Variants in PLCH1 observed in about 807,000 individuals in gnomAD.
PLCH1 encodes phospholipase C eta 1.
PLCH1 carries 60 observed loss-of-function variants against 126.7 expected under a neutral mutation model. The observed-to-expected ratio is 0.47, with a 90% CI of 0.38 to 0.59. PLCH1 has a LOEUF of 0.59. PLCH1 is among the 20% of genes least tolerant of loss of function. The probability of loss-of-function intolerance (pLI) is 0.00; values close to 1 mark genes in which losing one functional copy is unlikely to be tolerated. For missense variants in PLCH1, 1,723 were observed against 2,040.0 expected (o/e 0.84, Z 2.99); for synonymous variants, 719 against 734.9 (o/e 0.98, Z 0.35).
intron 10 of PLCH1, among the ~76,000 whole-genome samples, chr3:155,529,824 T>C (rs1468161651): frequency 2.4e-4 from 37 of 152,200 alleles, no homozygotes; most frequent in Non-Finnish European, 1.5e-4. Flanking sequence ...TGGAGTGCAA[T>C]GGCACGACCT....
chr3:155,498,081 A>C (rs1301382698), intron 14 of PLCH1, among the ~76,000 whole-genome samples: 1 of 151,998 alleles, frequency 6.6e-6, no homozygotes, highest in Non-Finnish European at 1.5e-5. Flanking sequence ...GCTCCGTCCC[A>C]CTCTGGACAT....
intron 1 of PLCH1, chr3:155,742,460 C>T (rs1749706346): frequency 6.6e-6 from 1 of 152,072 alleles, no homozygotes. Flanking sequence ...CTCGCTCTGC[C>T]CATCAACCTT....
intron 2 of PLCH1, among the ~76,000 whole-genome samples, chr3:155,680,074 A>G (rs1744388527): frequency 6.6e-6 from 1 of 152,142 alleles, no homozygotes; most frequent in African/African-American, 2.4e-5. Context: ...GAAATGCTTT[A>G]AAAAATAAAT....
intron 1 of PLCH1, among the ~76,000 whole-genome samples, chr3:155,729,134 G>A (rs1199861005): frequency 2.6e-5 from 4 of 152,166 alleles, no homozygotes; most frequent in African/African-American, 4.8e-5. Flanking sequence ...TTCAGTCTAA[G>A]AAAAGGCATC....
chr3:155,659,302 CTTTTTTTTTTTTTTTTTTT>C lies in PLCH1; in HGVS notation c.79+44825_79+44843del, dbSNP rs753258422. ...CCAGGCGTGAGATGTCTATTCACTT[CTTTTTTTTTTTTTTTTTTT>C]TTTTTTTTTTTTTTTTTTTTTTCCG... On this transcript the variant is annotated intron_variant, in intron 2 of 22. Coordinates refer to ENST00000460012, the MANE Select transcript of PLCH1 (RefSeq NM_014996.4). Among the ~76,000 whole-genome samples the C allele has an allele frequency of 1.8e-3, 56 of 30,848 alleles. 1 individual carries two copies. In the Middle Eastern group the frequency reaches 0.083, roughly 46 times the overall value. The allele number at this position is 30,848 out of a possible 152,430, so 20.2% of individuals were successfully genotyped here.
intron 12 of PLCH1, among the ~76,000 whole-genome samples, chr3:155,511,650 C>T (rs1342407077): frequency 1.4e-5 from 2 of 140,542 alleles, no homozygotes; most frequent in Admixed American, 1.4e-4. Context: ...GGGTGCCTCC[C>T]AGTTAGGCTG....
At chr3:155,525,386 G>T (rs1297749999) in intron 10 of PLCH1, among the ~76,000 whole-genome samples, 1 of 152,068 alleles carries the variant, frequency 6.6e-6, no homozygotes, top group Non-Finnish European at 1.5e-5. Context: ...ACAAATAGTA[G>T]GTACTATCTA....
At chr3:155,572,451 T>C (rs1729344967) in intron 6 of PLCH1, among the ~76,000 whole-genome samples, 1 of 152,198 alleles carries the variant, frequency 6.6e-6, no homozygotes, top group Admixed American at 6.5e-5. Context: ...TTTTCTCTTT[T>C]TACAAGCACT....
At chr3:155,543,120 A>G (rs1463671072) in intron 10 of PLCH1, among the ~76,000 whole-genome samples, 2 of 152,228 alleles carry the variant, frequency 1.3e-5, no homozygotes, top group African/African-American at 4.8e-5. Context: ...AACCAAAGGC[A>G]AAGAAGTTGA....
intron 2 of PLCH1, among the ~76,000 whole-genome samples, chr3:155,634,018 C>T (rs1375771464): frequency 6.6e-6 from 1 of 152,134 alleles, no homozygotes; most frequent in Non-Finnish European, 1.5e-5. Flanking sequence ...CCTCTAAATT[C>T]CTTTGAGTTG....
chr3:155,667,902 TTAAAA>T (rs1455946101), intron 2 of PLCH1, among the ~76,000 whole-genome samples: 2 of 95,156 alleles, frequency 2.1e-5, no homozygotes, highest in Non-Finnish European at 3.8e-5. Flanking sequence ...CCATCTCTAC[TTAAAA>T]AAAAAAAAAA....
At position 155,725,999 on chromosome 3, in the gene PLCH1, T is replaced by C. The variant is rs201847297; in HGVS notation, c.-41+18841A>G. Among the ~76,000 whole-genome samples, 48 of 152,340 alleles carry C rather than the reference T, an allele frequency of 3.2e-4. 1 individual carries two copies. In the East Asian group the frequency reaches 9.1e-3, roughly 29 times the overall value. On this transcript the variant is annotated intron_variant, in intron 1 of 22. Coordinates refer to ENST00000460012, the MANE Select transcript of PLCH1 (RefSeq NM_014996.4). ...ATTTTTAGTAGTTGCCCTAGACATTTTAACATGCATACTTTGCTTATCGAA... is the reference window on the plus strand; with the variant it reads ...ATTTTTAGTAGTTGCCCTAGACATTCTAACATGCATACTTTGCTTATCGAA...
Position 155,480,984 on chromosome 3 carries a change from A to C in PLCH1, c.5042T>G (p.Phe1681Cys). ...TTAAATAATTCACAGTCTCAAAAGA[A>C]AATAAATTTCTGGTTTATCATCACT... ...PSSDDKPEIY[F>C]LLRL Residue 1681 changes from phenylalanine (F) to cysteine (C), a missense_variant, in exon 23 of 23, where the codon TTT (phenylalanine) becomes TGT (cysteine). Physicochemically the swap from Phe to Cys is radical, Grantham distance 205. Around this residue, in one of 2 missense-constraint regions of PLCH1, gnomAD observed 947 missense variants for 977.1 expected, o/e 0.97. Transcript: ENST00000460012. 6.3e-7 allele frequency: 1 copy of C among 1,584,878 alleles called. No homozygotes were observed. The highest frequency in any genetic ancestry group is 8.6e-7 in the Non-Finnish European group (1 of 1,160,322).
chr3:155,471,284 C>T (rs1274575757), intron 21 of PLCH1, among the ~76,000 whole-genome samples: 4 of 152,152 alleles, frequency 2.6e-5, no homozygotes, highest in Admixed American at 2.0e-4. Context: ...ATCCTAGTCT[C>T]TGATAAAACA....
Position 155,709,970 on chromosome 3 carries a change from T to C in PLCH1, c.-40-5706A>G, listed in dbSNP as rs565833966. The stretch of plus-strand genomic sequence containing the variant: ...ACTTATTGTCAAGCTTTAAGAAGTG[T>C]TTGGTTGGTTGGTTGGTTGGTTTCA... On this transcript the variant is annotated intron_variant, in intron 1 of 22. Coordinates refer to ENST00000460012, the MANE Select transcript of PLCH1 (RefSeq NM_014996.4). Among the ~76,000 whole-genome samples the C allele has an allele frequency of 1.5e-4, 23 of 152,154 alleles. No individual in the cohort carries two copies. The South Asian group carries it at 4.8e-3, about 32-fold the overall frequency.
At chr3:155,490,609 C>G in intron 19 of PLCH1, 175 bp downstream of exon 19, 1 of 472,638 alleles carries the variant, frequency 2.1e-6, no homozygotes, top group Non-Finnish European at 3.7e-6. Flanking sequence ...AAAAATAAGC[C>G]ACGCATCAAT....
At chr3:155,703,862 T>C (rs1056366826) in intron 2 of PLCH1, among the ~76,000 whole-genome samples, 4 of 152,190 alleles carry the variant, frequency 2.6e-5, no homozygotes, top group African/African-American at 9.6e-5. Context: ...AAAGGGATAT[T>C]ACTGGAGTTG....
intron 12 of PLCH1, among the ~76,000 whole-genome samples, chr3:155,504,849 C>T (rs556522952): frequency 6.6e-6 from 1 of 152,294 alleles, no homozygotes; most frequent in East Asian, 1.9e-4. Flanking sequence ...TGGATGCCAG[C>T]CAGGACGCAG....
At chr3:155,682,938 G>C (rs1381516241) in intron 2 of PLCH1, among the ~76,000 whole-genome samples, 1 of 152,214 alleles carries the variant, frequency 6.6e-6, no homozygotes, top group Non-Finnish European at 1.5e-5. Flanking sequence ...TTTACTCAGA[G>C]AGCAGGCTTA....
Sources: allele counts gnomAD v4.1 joint callset (sites outside exome capture counted in the v4.1 genomes callset), GRCh38; gene constraint gnomAD v4.1.1; regional missense constraint gnomAD v4.1.1; transcripts MANE v1.5; gene names NCBI Gene and HGNC (gene_info 2026-07-23, HGNC 2026-07-21).